Variants in DCP2 observed in about 807,000 individuals in gnomAD.
DCP2 encodes m7GpppN-mRNA hydrolase.
DCP2 carries 30 observed loss-of-function variants against 56.1 expected under a neutral mutation model. That is an observed-to-expected ratio of 0.53 (90% CI 0.40 to 0.73). DCP2 has a LOEUF of 0.73. DCP2 is among the 30% of genes least tolerant of loss of function. DCP2 has a pLI of 0.00. For missense variants in DCP2, 533 were observed against 502.7 expected (o/e 1.06, Z -0.58); for synonymous variants, 197 against 163.3 (o/e 1.21, Z -1.57).
intron 4 of DCP2, among the ~76,000 whole-genome samples, chr5:112,995,958 CAG>C (rs1375467843): frequency 9.2e-5 from 14 of 152,208 alleles, no homozygotes; most frequent in Admixed American, 9.2e-4. Flanking sequence ...TGTGTACATG[CAG>C]AGAGAGATCT....
chr5:113,007,797 A>G, intron 8 of DCP2, 141 bp from the exon 9 acceptor site: 1 of 638,696 alleles, frequency 1.6e-6, no homozygotes, highest in Non-Finnish European at 2.7e-6. Context: ...AAATACATTG[A>G]TAGGGTGATT....
intron 8 of DCP2, among the ~76,000 whole-genome samples, chr5:113,004,829 A>G (rs1379038698): frequency 6.7e-6 from 1 of 149,804 alleles, no homozygotes; most frequent in Non-Finnish European, 1.5e-5. Context: ...TTTTTATTTT[A>G]AAAATATACT....
At chr5:112,993,058 T>C (rs1407017630) in intron 4 of DCP2, among the ~76,000 whole-genome samples, 1 of 152,160 alleles carries the variant, frequency 6.6e-6, no homozygotes, top group African/African-American at 2.4e-5. Context: ...TTAGATTTCC[T>C]ATTGGTAAAA....
rs377381288 is a variant in DCP2 at position 112,976,998 on chromosome 5, C to G, written c.53+12C>G. The G allele has an allele frequency of 3.9e-6, 6 of 1,526,080 alleles. No individual in the cohort carries two copies. Among genetic ancestry groups the G allele is most frequent in the Non-Finnish European group, 5.3e-6 (6 of 1,127,312 alleles). 94.5% of individuals were successfully genotyped at this position (1,526,080 alleles called of 1,614,324 possible). On this transcript the variant is annotated intron_variant, in intron 1 of 10. Coordinates refer to ENST00000389063, the MANE Select transcript of DCP2 (RefSeq NM_152624.6). ...GACGATCTCTGCAGGTACCGCGCTA[C>G]CCGACCCCCTTTCGCCCCCGTCGGG...
At chr5:113,005,258 C>T (rs1749371175) in intron 8 of DCP2, among the ~76,000 whole-genome samples, 1 of 151,780 alleles carries the variant, frequency 6.6e-6, no homozygotes. Flanking sequence ...AAGATATTTG[C>T]AAATTATATA....
At chr5:112,986,035 T>A (rs1281057131) in intron 2 of DCP2, 49 bp downstream of exon 2, 3 of 1,460,748 alleles carry the variant, frequency 2.1e-6, no homozygotes, top group Non-Finnish European at 2.8e-6. Flanking sequence ...AGCAATATAT[T>A]TTAGCACAAA....
intron 9 of DCP2, among the ~76,000 whole-genome samples, chr5:113,009,748 C>G (rs1749595376): frequency 6.6e-6 from 1 of 152,102 alleles, no homozygotes; most frequent in Non-Finnish European, 1.5e-5. Flanking sequence ...AATTTCTTCA[C>G]ATTATATTCT....
intron 2 of DCP2, among the ~76,000 whole-genome samples, chr5:112,986,445 C>A (rs139600102): frequency 2.0e-5 from 3 of 151,924 alleles, no homozygotes; most frequent in African/African-American, 7.3e-5. Flanking sequence ...AAGCAATCCT[C>A]CTCCCTAGCC....
In DCP2 at chr5:113,014,510, C is replaced by G. The variant is rs1749806023; in HGVS notation, c.*1026C>G. The G allele has an allele frequency of 6.6e-6, 1 of 152,522 alleles. No individual in the cohort carries two copies. The highest frequency in any genetic ancestry group is 1.5e-5 in the Non-Finnish European group (1 of 68,036). 9.4% of individuals were successfully genotyped at this position (152,522 alleles called of 1,614,324 possible). On this transcript the variant is annotated 3_prime_UTR_variant, in exon 11 of 11. Transcript: ENST00000389063. The stretch of plus-strand genomic sequence containing the variant: ...AAGGGGTATGCAGTTTACCCAAGTC[C>G]AAATAAAGCATTTCACTAGGTTACA...
chr5:112,991,026 T>A (rs1341911012), intron 2 of DCP2, among the ~76,000 whole-genome samples: 9 of 152,200 alleles, frequency 5.9e-5, no homozygotes, highest in Non-Finnish European at 2.9e-5. Flanking sequence ...CTATATTATG[T>A]CGTATGTCAT....
At chr5:113,005,664 A>G (rs1749393959) in intron 8 of DCP2, among the ~76,000 whole-genome samples, 1 of 152,232 alleles carries the variant, frequency 6.6e-6, no homozygotes, top group Non-Finnish European at 1.5e-5. Flanking sequence ...AATATCCAAA[A>G]GAATTGAAAG....
rs201721169 is a variant in DCP2 at position 113,010,822 on chromosome 5, A to G, written c.1099+15A>G. ...TTTTGAAACAGGCAAGTCATTTCCT[A>G]TCTTTTTATAATCTCTGCCTTGTGG... On this transcript the variant is annotated intron_variant, in intron 10 of 10. Transcript: ENST00000389063. 249 of 1,596,242 alleles carry G rather than the reference A, an allele frequency of 1.6e-4. 2 individuals are homozygous for G. In the Middle Eastern group the frequency reaches 7.4e-3, roughly 47 times the overall value.
intron 1 of DCP2, among the ~76,000 whole-genome samples, chr5:112,980,984 A>G (rs1047890141): frequency 6.6e-6 from 1 of 151,256 alleles, no homozygotes; most frequent in Non-Finnish European, 1.5e-5. Flanking sequence ...GTATGTCTCT[A>G]TCAGTATTTT....
chr5:112,997,849 G>A lies in DCP2; in HGVS notation c.433-3235G>A, dbSNP rs201536305. 3.6e-4 allele frequency among the ~76,000 whole-genome samples: 54 copies of A among 152,108 alleles called. 1 individual carries two copies. The East Asian group carries it at 0.01, about 29-fold the overall frequency. On this transcript the variant is annotated intron_variant, in intron 4 of 10. Transcript: ENST00000389063. ...AGGCTGGTCTTGAACTCCTGACCTC[G>A]TGATCCACCAGCCTTGGCCTCCCAA...
At chr5:112,989,433 A>T (rs1748472461) in intron 2 of DCP2, among the ~76,000 whole-genome samples, 1 of 151,090 alleles carries the variant, frequency 6.6e-6, no homozygotes, top group South Asian at 2.1e-4. Flanking sequence ...TACTCCAAAA[A>T]AAAAAAAAGA....
At position 112,977,360 on chromosome 5, in the gene DCP2, AC is replaced by A. The variant is rs1747764682; in HGVS notation, c.53+379del. Among the ~76,000 whole-genome samples, 3 of 151,652 alleles carry A rather than the reference AC, an allele frequency of 2.0e-5. No individual in the cohort carries two copies. The South Asian group carries it at 6.3e-4, about 32-fold the overall frequency. ...CCTCTGTGACTTTTCCACGCCGTGC[AC>A]CCCCTCCTCCCTGTGTCTCATTCCC... is the stretch of plus-strand genomic sequence containing the variant. On this transcript the variant is annotated intron_variant, in intron 1 of 10. Coordinates refer to ENST00000389063, the MANE Select transcript of DCP2 (RefSeq NM_152624.6).
intron 1 of DCP2, among the ~76,000 whole-genome samples, chr5:112,983,430 G>A (rs1412295222): frequency 2.6e-5 from 4 of 152,054 alleles, no homozygotes; most frequent in South Asian, 4.1e-4. Flanking sequence ...AAATAGAGAC[G>A]GGGTCTCACA....
chr5:112,984,703 A>AAAAAATATATATATATAT, intron 1 of DCP2: 11 of 64,858 alleles, frequency 1.7e-4, no homozygotes, highest in African/African-American at 7.1e-4. Flanking sequence ...AAAAAAAAAA[A>AAAAAATATATATATATAT]ATATATATAT....
chr5:113,021,705 AG>A lies in DCP2; in HGVS notation c.*8222del, dbSNP rs34654580. Among the ~76,000 whole-genome samples, 67,422 of 151,938 alleles carry A rather than the reference AG, an allele frequency of 0.44. 15,950 individuals are homozygous for A. Among genetic ancestry groups the A allele is most frequent in the East Asian group, 0.62 (3,216 of 5,154 alleles). Reference sequence around the variant, plus strand: ...ACTAAGGTGTTATACTTACTGTCAAAGTTACTTTGCTTCCATAGTGAAAACT... The same window carrying A: ...ACTAAGGTGTTATACTTACTGTCAAATTACTTTGCTTCCATAGTGAAAACT... On this transcript the variant is annotated 3_prime_UTR_variant, in exon 11 of 11. Coordinates refer to ENST00000389063, the MANE Select transcript of DCP2 (RefSeq NM_152624.6).
Sources: allele counts gnomAD v4.1 joint callset (sites outside exome capture counted in the v4.1 genomes callset), GRCh38; gene constraint gnomAD v4.1.1; transcripts MANE v1.5; gene names NCBI Gene and HGNC (gene_info 2026-07-23, HGNC 2026-07-21).